Variants in MGST1 observed in about 807,000 individuals in gnomAD.
MGST1 encodes glutathione S-transferase 12.
MGST1 carries 5 observed loss-of-function variants against 8.9 expected under a neutral mutation model. That is an observed-to-expected ratio of 0.56 (90% confidence interval 0.29 to 1.19). MGST1 has a LOEUF of 1.19. Among genes scored for constraint, MGST1 ranks in the 50% most tolerant of loss-of-function variants. The probability of loss-of-function intolerance (pLI) is 0.08; values close to 1 mark genes in which losing one functional copy is unlikely to be tolerated. For missense variants in MGST1, 182 were observed against 187.4 expected (o/e 0.97, Z 0.17); for synonymous variants, 54 against 67.8 (o/e 0.80, Z 1.00).
chr12:16,466,432 A>G (rs1433772118), intron 4 of MGST1, among the ~76,000 whole-genome samples: 3 of 152,248 alleles, frequency 2.0e-5, no homozygotes. Flanking sequence ...ACACTTTAAC[A>G]TAATATGTCA....
Position 16,389,601 on chromosome 12 carries a change from G to A in MGST1, n.778+5997G>A, listed in dbSNP as rs1192244871. On this transcript the variant is annotated intron_variant and non_coding_transcript_variant, in intron 1 of 1. Transcript: ENST00000359720. The surrounding 1 kb of genome is among the most constrained non-coding windows in gnomAD (Gnocchi z 4.6). ...TCCCTGGATTTCCTTGGTCTGGTAG[G>A]TGCAGCAATATGACATGAGTACCTC... 6.6e-6 allele frequency among the ~76,000 whole-genome samples: 1 copy of A among 152,142 alleles called. No individual in the cohort carries two copies. Among genetic ancestry groups the A allele is most frequent in the Non-Finnish European group, 1.5e-5 (1 of 68,036 alleles).
intron 4 of MGST1, among the ~76,000 whole-genome samples, chr12:16,553,792 G>A (rs1209900194): frequency 6.6e-6 from 1 of 151,130 alleles, no homozygotes; most frequent in East Asian, 1.9e-4. Context: ...AAATTAATCT[G>A]TAACTGTGAT....
At chr12:16,579,081 T>G (rs2137519191) in intron 4 of MGST1, among the ~76,000 whole-genome samples, 1 of 152,308 alleles carries the variant, frequency 6.6e-6, no homozygotes, top group Non-Finnish European at 1.5e-5. Flanking sequence ...AGAGCTTAGT[T>G]TTTTAAAAAG....
rs1456025106 is a variant in MGST1 at position 16,361,113 on chromosome 12, A to C, written c.222-2682A>C. Among the ~76,000 whole-genome samples, 1 of 152,186 alleles carries C rather than the reference A, an allele frequency of 6.6e-6. No individual in the cohort carries two copies. Among genetic ancestry groups the C allele is most frequent in the East Asian group, 1.9e-4 (1 of 5,186 alleles). ...AGAGTATTAGGATTTGAAAGGAGAA[A>C]GAGGAGAGAAGTCTCATCAATTTGG... On this transcript the variant is annotated intron_variant, in intron 3 of 3. Coordinates refer to ENST00000396210, the MANE Select transcript of MGST1 (RefSeq NM_020300.5). The surrounding 1 kb of genome is among the most constrained non-coding windows in gnomAD (Gnocchi z 4.2).
At chr12:16,561,681 C>T (rs1942411259) in intron 4 of MGST1, among the ~76,000 whole-genome samples, 1 of 152,162 alleles carries the variant, frequency 6.6e-6, no homozygotes, top group African/African-American at 2.4e-5. Context: ...GAAGTCTTTT[C>T]TTAAGGCATG....
Position 16,517,350 on chromosome 12 carries a change from T to C in MGST1, n.483-72178T>C, listed in dbSNP as rs1366868676. ...TTCTCTCCCCTTATGAATAGAATAA[T>C]GTTGTTATCACAGGAGTGAATTTGT... is the stretch of plus-strand genomic sequence containing the variant. On this transcript the variant is annotated intron_variant and non_coding_transcript_variant, in intron 4 of 4. Coordinates refer to the MGST1 transcript ENST00000538857. This position sits in a 1 kb window ranked among gnomAD's most constrained non-coding sequence, Gnocchi z 4.2. Among the ~76,000 whole-genome samples, 2 of 152,156 alleles carry C rather than the reference T, an allele frequency of 1.3e-5. No homozygotes were observed. The highest frequency in any genetic ancestry group is 4.8e-5 in the African/African-American group (2 of 41,430).
intron 4 of MGST1, among the ~76,000 whole-genome samples, chr12:16,574,721 T>G (rs560431928): frequency 1.3e-5 from 2 of 152,296 alleles, no homozygotes; most frequent in Admixed American, 6.5e-5. Flanking sequence ...CCGCAAAGGA[T>G]TTATCGGCCA....
At chr12:16,406,275 C>T (rs1316579032) in intron 1 of MGST1, among the ~76,000 whole-genome samples, 2 of 152,060 alleles carry the variant, frequency 1.3e-5, no homozygotes, top group Non-Finnish European at 2.9e-5. Flanking sequence ...CAATAACAGC[C>T]AATTGAGAGC....
chr12:16,397,220 G>A (rs1433218263), intron 1 of MGST1, among the ~76,000 whole-genome samples: 1 of 152,154 alleles, frequency 6.6e-6, no homozygotes, highest in Non-Finnish European at 1.5e-5. Context: ...TAATTGGCAA[G>A]CCACATGTAG....
chr12:16,454,307 A>G (rs1941152354), intron 4 of MGST1, among the ~76,000 whole-genome samples: 1 of 151,972 alleles, frequency 6.6e-6, no homozygotes, highest in Non-Finnish European at 1.5e-5. Flanking sequence ...TGGACTACAT[A>G]TTTCACATAC....
rs1033454338 is a variant in MGST1, at chr12:16,489,111, AAAAT to A, written n.483-100397_483-100394del. 1.6e-4 allele frequency among the ~76,000 whole-genome samples: 24 copies of A among 152,078 alleles called. No individual in the cohort carries two copies. The South Asian group carries it at 4.4e-3, about 28-fold the overall frequency. ...GGTGACAGAGCAAGATCACCATCTC[AAAAT>A]AAATAAATAAATAAATAAAAAATAA... On this transcript the variant is annotated intron_variant and non_coding_transcript_variant, in intron 4 of 4. Transcript: ENST00000538857.
In MGST1 at chr12:16,552,483, T is replaced by C. The variant is rs530647508; in HGVS notation, n.483-37045T>C. On this transcript the variant is annotated intron_variant and non_coding_transcript_variant, in intron 4 of 4. Coordinates refer to the MGST1 transcript ENST00000538857. Reference sequence around the variant, plus strand: ...TGAGGAGCAGTTGGACTGATTTACATTTGCAAAGATTGGAATGCTAGACAA... The same window carrying C: ...TGAGGAGCAGTTGGACTGATTTACACTTGCAAAGATTGGAATGCTAGACAA... Among the ~76,000 whole-genome samples the C allele has an allele frequency of 2.0e-5, 3 of 152,148 alleles. No homozygotes were observed. The East Asian group carries it at 5.8e-4, about 29-fold the overall frequency.
At chr12:16,494,981 A>G (rs1941460924) in intron 4 of MGST1, among the ~76,000 whole-genome samples, 1 of 152,166 alleles carries the variant, frequency 6.6e-6, no homozygotes. Flanking sequence ...CTTTGAGGTC[A>G]AACAAACATT....
At chr12:16,523,401 C>A (rs1941661437) in intron 4 of MGST1, among the ~76,000 whole-genome samples, 1 of 152,040 alleles carries the variant, frequency 6.6e-6, no homozygotes, top group Middle Eastern at 3.4e-3. Context: ...TATTATTTTA[C>A]TCTGTAATGT....
In MGST1 at chr12:16,589,560, A is replaced by T. The variant is rs2137606043; in HGVS notation, n.515A>T. ...CAGAAGTCAAGAGCTAACCAAGAAG[A>T]CAAGGAATGTAACATATTTAATCAA... is the stretch of plus-strand genomic sequence containing the variant. On this transcript the variant is annotated non_coding_transcript_exon_variant, in exon 5 of 5. Transcript: ENST00000538857. The surrounding 1 kb of genome is among the most constrained non-coding windows in gnomAD (Gnocchi z 4.2). 1 of 152,268 alleles carries T rather than the reference A, an allele frequency of 6.6e-6. No homozygotes were observed. Among genetic ancestry groups the T allele is most frequent in the South Asian group, 2.1e-4 (1 of 4,832 alleles). The allele number at this position is 152,268 out of a possible 1,614,324, so 9.4% of individuals were successfully genotyped here. A position where few individuals can be genotyped will look rare whatever the true frequency, so the allele number is the denominator to read the frequency against.
At chr12:16,364,858 G>GT (rs1940156220), downstream of MGST1, among the ~76,000 whole-genome samples, 1 of 152,122 alleles carries the variant, frequency 6.6e-6, no homozygotes. The surrounding 1 kb of genome is among the most constrained non-coding windows in gnomAD (Gnocchi z 5.7). Flanking sequence ...AAATGAGAGA[G>GT]TTCTTTTGCT....
chr12:16,550,567 A>G (rs1941951802), intron 4 of MGST1: 2 of 152,370 alleles, frequency 1.3e-5, no homozygotes, highest in African/African-American at 4.8e-5. Flanking sequence ...ATTTTTTTAA[A>G]GCTGATTTTT....
intron 4 of MGST1, among the ~76,000 whole-genome samples, chr12:16,480,757 T>C (rs1021928718): frequency 4.6e-5 from 7 of 151,822 alleles, no homozygotes; most frequent in Non-Finnish European, 7.4e-5. Flanking sequence ...CTCTCACATA[T>C]TTTTTTTGTT....
At chr12:16,404,345 T>C (rs1316803326) in intron 1 of MGST1, among the ~76,000 whole-genome samples, 1 of 152,150 alleles carries the variant, frequency 6.6e-6, no homozygotes, top group Non-Finnish European at 1.5e-5. Flanking sequence ...GATCTATTTC[T>C]AATAAATTGC....
Sources: allele counts gnomAD v4.1 joint callset (sites outside exome capture counted in the v4.1 genomes callset), GRCh38; gene constraint gnomAD v4.1.1; non-coding constraint Gnocchi (gnomAD v3.1); transcripts MANE v1.5; gene names NCBI Gene and HGNC (gene_info 2026-07-23, HGNC 2026-07-21).